Variants in TBX5 observed in about 807,000 individuals in gnomAD.
TBX5 encodes the protein T-box transcription factor 5, also known as T-box transcription factor TBX5.
A neutral mutation model predicts 51.1 loss-of-function variants in TBX5; 8 were observed. The observed-to-expected ratio is 0.16, with a 90% CI of 0.09 to 0.28. The LOEUF is 0.28. Ranked by LOEUF, TBX5 falls within the 10% of genes least tolerant of loss-of-function variation. The pLI, the probability that TBX5 is intolerant of heterozygous loss-of-function variation, is 1.00. For synonymous variants in TBX5, 302 were observed against 266.4 expected, an observed-to-expected ratio of 1.13 and a Z score of -1.30; for missense variants, 589 against 671.7, an observed-to-expected ratio of 0.88 and a Z score of 1.36.
At chr12:114,384,745 A>AACACACACACACAAC (rs1555225278) in intron 7 of TBX5, among the ~76,000 whole-genome samples, 3 of 115,170 alleles carry the variant, frequency 2.6e-5, no homozygotes, top group Non-Finnish European at 5.6e-5. Flanking sequence ...ACACACACAC[A>AACACACACACACAAC]ACACACACAC....
chr12:114,369,261 G>T (rs1869724605), intron 7 of TBX5, among the ~76,000 whole-genome samples: 1 of 152,196 alleles, frequency 6.6e-6, no homozygotes, highest in South Asian at 2.1e-4. Flanking sequence ...TGGACTCCGT[G>T]GAATTCTCCG....
At position 114,406,065 on chromosome 12, in the gene TBX5, C is replaced by CCTCT. The variant is rs372595886; in HGVS notation, c.-480_-477dup. On this transcript the variant is annotated 5_prime_UTR_variant, in exon 1 of 9. Coordinates refer to ENST00000405440, the MANE Select transcript of TBX5 (RefSeq NM_181486.4). The stretch of plus-strand genomic sequence containing the variant: ...GAGTCAGTCTCTCTCACTCTCTCTC[C>CCTCT]CTCTCTCTCTCTCTCTGAAATACAA... 9 of 953,938 alleles carry CCTCT rather than the reference C, an allele frequency of 9.4e-6. No homozygotes were observed. The highest frequency in any genetic ancestry group is 1.8e-5 in the African/African-American group (1 of 55,854). The allele number at this position is 953,938 out of a possible 1,614,324, so 59.1% of individuals were successfully genotyped here.
At position 114,355,610 on chromosome 12, in the gene TBX5, C is replaced by T; in HGVS notation, c.1479G>A (p.Val493=). ...ACTGATGAGGGGATAGAGTCCTTGG[C>T]ACGCCATGAGAGTAGAGGAACTCAG... The part of the protein sequence containing the change: ...QPPEFLYSHG[V]PRTLSPHQYH... Residue 493 remains valine, a synonymous_variant, in exon 9 of 9, where the codon GTG becomes GTA. Coordinates refer to ENST00000405440, the MANE Select transcript of TBX5 (RefSeq NM_181486.4). The T allele has an allele frequency of 6.2e-7, 1 of 1,614,202 alleles. No individual in the cohort carries two copies. The highest frequency in any genetic ancestry group is 8.5e-7 in the Non-Finnish European group (1 of 1,180,056).
intron 8 of TBX5, among the ~76,000 whole-genome samples, chr12:114,358,652 T>G (rs939549289): frequency 6.8e-6 from 1 of 146,966 alleles, no homozygotes; most frequent in South Asian, 2.1e-4. Flanking sequence ...GTACCAAAAA[T>G]AAAAAAAAAA....
upstream of TBX5, chr12:114,407,184 T>C (rs761103242): frequency 2.2e-5 from 20 of 890,390 alleles, no homozygotes; most frequent in East Asian, 1.2e-4. Flanking sequence ...GTGGAGAATC[T>C]CCAACCCTGA....
rs550373188 is a variant in TBX5, at chr12:114,392,422, A to G, written c.663+2319T>C. On this transcript the variant is annotated intron_variant, in intron 6 of 8. Transcript: ENST00000405440. ...TTTATTAGATGACAATTATGCCTCA[A>G]TAAGGCTGTCAACAGAAAGAGGGAG... is the stretch of plus-strand genomic sequence containing the variant. 7.2e-5 allele frequency among the ~76,000 whole-genome samples: 11 copies of G among 152,324 alleles called. No homozygotes were observed. In the South Asian group the frequency reaches 1.9e-3, roughly 26 times the overall value.
At chr12:114,382,291 G>A (rs1869666731) in intron 7 of TBX5, among the ~76,000 whole-genome samples, 1 of 152,022 alleles carries the variant, frequency 6.6e-6, no homozygotes, top group East Asian at 2.0e-4. Flanking sequence ...TCCAGCCTGG[G>A]CAACAGAGCG....
intron 7 of TBX5, among the ~76,000 whole-genome samples, chr12:114,370,442 C>G (rs1410784184): frequency 1.3e-5 from 2 of 152,132 alleles, no homozygotes; most frequent in African/African-American, 4.8e-5. Context: ...CAGGGTCAAT[C>G]CTATTCCAAA....
At chr12:114,362,009 T>C (rs959101947) in intron 8 of TBX5, among the ~76,000 whole-genome samples, 10 of 152,094 alleles carry the variant, frequency 6.6e-5, no homozygotes, top group African/African-American at 2.4e-4. Flanking sequence ...ACTCACGAGC[T>C]GAGTGACTTT....
At chr12:114,373,500 C>A (rs752944900) in intron 7 of TBX5, among the ~76,000 whole-genome samples, 11 of 152,182 alleles carry the variant, frequency 7.2e-5, no homozygotes, top group Non-Finnish European at 1.5e-4. Flanking sequence ...GCTCTGTCGC[C>A]CAGGCTGGAG....
At position 114,355,966 on chromosome 12, in the gene TBX5, G is replaced by T. The variant is rs377532269; in HGVS notation, c.1123C>A (p.Arg375=). ...GASYRTESAQ[R]QACMYASSAP... is the part of the protein sequence containing the mutation. ...GAGCTGGCATACATGCAAGCTTGCCGCTGTGCCGACTCTGTCCTGTAGGAG... is the reference window on the plus strand; with the variant it reads ...GAGCTGGCATACATGCAAGCTTGCCTCTGTGCCGACTCTGTCCTGTAGGAG... Residue 375 remains arginine (R), a synonymous_variant, in exon 9 of 9, where the codon CGG becomes AGG. Transcript: ENST00000405440. The T allele has an allele frequency of 3.1e-6, 5 of 1,613,864 alleles. No individual in the cohort carries two copies. The highest frequency in any genetic ancestry group is 2.7e-5 in the African/African-American group (2 of 74,924).
At chr12:114,364,366 T>C (rs529553232) in intron 8 of TBX5, among the ~76,000 whole-genome samples, 1 of 152,340 alleles carries the variant, frequency 6.6e-6, no homozygotes, top group African/African-American at 2.4e-5. Flanking sequence ...TACTACTTTC[T>C]GAGTCAACCC....
At chr12:114,399,854 A>T (rs893707932) in intron 3 of TBX5, among the ~76,000 whole-genome samples, 4 of 152,150 alleles carry the variant, frequency 2.6e-5, no homozygotes, top group Admixed American at 6.5e-5. Flanking sequence ...ACTGTAGGTA[A>T]CCTAAGCGGA....
intron 6 of TBX5, among the ~76,000 whole-genome samples, chr12:114,389,788 A>T (rs1871058001): frequency 8.0e-6 from 1 of 124,468 alleles, no homozygotes; most frequent in Non-Finnish European, 1.7e-5. Context: ...AAAAAAAAAA[A>T]AGTGGATGAA....
chr12:114,399,102 A>G (rs530065270), intron 4 of TBX5, among the ~76,000 whole-genome samples: 40 of 152,258 alleles, frequency 2.6e-4, no homozygotes, highest in African/African-American at 6.3e-4. Context: ...GGCCTCTCCT[A>G]ACTGTTTAAC....
Position 114,399,604 on chromosome 12 carries a change from C to T in TBX5, c.271G>A (p.Val91Met), listed in dbSNP as rs1473835296. The change falls in exon 4 of 9, where the codon GTG (valine) becomes ATG (methionine). Residue 91 changes from valine (V) to methionine (M), a missense_variant. Physicochemically the swap from Val to Met is conservative, Grantham distance 21. This residue lies in a region of TBX5 where 85 missense variants were observed against 95.6 expected (regional missense o/e 0.89). Transcript: ENST00000405440. ...TTCGTTTTGGGATTAAGGCCCGTCA[C>T]CTTCACTTTGTAACTGGGAAACATC... ...RRMFPSYKVK[V>M]TGLNPKTKYI... 1.9e-6 allele frequency: 3 copies of T among 1,614,006 alleles called. No homozygotes were observed. Among genetic ancestry groups the T allele is most frequent in the Non-Finnish European group, 2.5e-6 (3 of 1,180,046 alleles).
intron 8 of TBX5, among the ~76,000 whole-genome samples, chr12:114,356,928 C>G (rs1442831040): frequency 6.6e-6 from 1 of 152,152 alleles, no homozygotes; most frequent in Non-Finnish European, 1.5e-5. Flanking sequence ...AGTAGTCTGA[C>G]CACAAAGCCC....
At position 114,356,045 on chromosome 12, in the gene TBX5, A is replaced by C; in HGVS notation, c.1044T>G (p.Ser348Arg). 6.2e-7 allele frequency: 1 copy of C among 1,614,072 alleles called. No homozygotes were observed. Among genetic ancestry groups the C allele is most frequent in the Non-Finnish European group, 8.5e-7 (1 of 1,180,048 alleles). ...TAGAGCGGTAGAAGGAATCTTCTTC[A>C]CTGGGTGATGTCTCCATGTAGGGCT... The part of the protein sequence containing the change: ...YKKPYMETSP[S>R]EEDSFYRSSY... The change falls in exon 9 of 9, where the codon AGT becomes AGG. Residue 348 changes from serine (S) to arginine (R), a missense_variant. Ser to Arg is a moderately radical substitution (Grantham distance 110). Around this residue, in one of 7 missense-constraint regions of TBX5, gnomAD observed 348 missense variants for 360.4 expected, o/e 0.97. Transcript: ENST00000405440.
intron 7 of TBX5, among the ~76,000 whole-genome samples, chr12:114,384,980 C>A (rs1244344455): frequency 6.6e-6 from 1 of 152,026 alleles, no homozygotes; most frequent in Non-Finnish European, 1.5e-5. Context: ...AAATACCGAG[C>A]AATTTTTAGC....
Sources: gnomAD v4.1 joint callset for allele counts (sites outside exome capture counted in the v4.1 genomes callset) on GRCh38, gnomAD v4.1.1 for gene constraint, gnomAD v4.1.1 regional missense constraint, MANE v1.5 for transcripts, NCBI Gene and HGNC (gene_info 2026-07-23, HGNC 2026-07-21) for gene names.